TUT4: variants seen among roughly 807,000 people sequenced by gnomAD.
TUT4 encodes the protein terminal uridylyltransferase 4.
Under a neutral mutation model 192.2 loss-of-function variants are expected in TUT4, and 36 were observed. The ratio of observed to expected loss-of-function variants is 0.19; its 90% CI spans 0.14 to 0.25. TUT4 has a LOEUF of 0.25. Ranked by LOEUF, TUT4 falls within the 10% of genes least tolerant of loss-of-function variation. The probability of loss-of-function intolerance (pLI) is 1.00; values close to 1 mark genes in which losing one functional copy is unlikely to be tolerated. For synonymous variants in TUT4, 618 were observed against 666.0 expected, an observed-to-expected ratio of 0.93 and a Z score of 1.11; for missense variants, 1,493 against 1,957.2, an observed-to-expected ratio of 0.76 and a Z score of 4.47.
intron 11 of TUT4, 27 bp downstream of exon 11, chr1:52,481,396 C>A (rs773388743): frequency 1.9e-6 from 3 of 1,607,348 alleles, no homozygotes; most frequent in Non-Finnish European, 2.6e-6. Flanking sequence ...GATAGAAAAG[C>A]CAAAAAACAA....
At chr1:52,424,024 G>A in intron 29 of TUT4, 22 bp from the exon 30 acceptor site, 1 of 1,599,316 alleles carries the variant, frequency 6.3e-7, no homozygotes, top group Non-Finnish European at 8.5e-7. Flanking sequence ...AACACAGACA[G>A]GAAACTGAAA....
At chr1:52,513,915 T>G (rs2149348083) in intron 3 of TUT4, among the ~76,000 whole-genome samples, 1 of 152,308 alleles carries the variant, frequency 6.6e-6, no homozygotes, top group African/African-American at 2.4e-5. Context: ...AGGGCTGTTA[T>G]GAGGATTAAA....
At chr1:52,478,955 T>C (rs896018829) in intron 11 of TUT4, among the ~76,000 whole-genome samples, 1 of 152,020 alleles carries the variant, frequency 6.6e-6, no homozygotes, top group African/African-American at 2.4e-5. Flanking sequence ...ACATCTTTAG[T>C]AAGTAAATTA....
chr1:52,468,455 C>T (rs1664826264), intron 14 of TUT4, 188 bp from the exon 15 acceptor site: 2 of 493,188 alleles, frequency 4.1e-6, no homozygotes, highest in Non-Finnish European at 7.0e-6. Context: ...AACTGTTTTT[C>T]TGTTTTAGCA....
Position 52,527,278 on chromosome 1 carries a change from T to C in TUT4, c.-93-905A>G, listed in dbSNP as rs1682050205. Reference sequence around the variant, plus strand: ...AAAAACCAACAGGGGCCGGGTGCAATGGCTCATGCCTGTAATCCCAACACT... The same window carrying C: ...AAAAACCAACAGGGGCCGGGTGCAACGGCTCATGCCTGTAATCCCAACACT... On this transcript the variant is annotated intron_variant, in intron 1 of 29. Transcript: ENST00000257177. 2.0e-5 allele frequency among the ~76,000 whole-genome samples: 3 copies of C among 152,290 alleles called. No individual in the cohort carries two copies. In the East Asian group the frequency reaches 5.8e-4, roughly 29 times the overall value.
chr1:52,551,940 G>A lies in TUT4; in HGVS notation c.-94+991C>T, dbSNP rs1021775678. ...AAATAAAAGGCCATCTGATCCACTC[G>A]GGCTAATTACTAAATGCATGCCAAC... On this transcript the variant is annotated intron_variant, in intron 1 of 29. Transcript: ENST00000257177. Among the ~76,000 whole-genome samples, 3 of 152,098 alleles carry A rather than the reference G, an allele frequency of 2.0e-5. No homozygotes were observed. In the South Asian group the frequency reaches 6.2e-4, roughly 32 times the overall value.
intron 28 of TUT4, among the ~76,000 whole-genome samples, chr1:52,427,385 G>C (rs1650335224): frequency 6.6e-6 from 1 of 152,150 alleles, no homozygotes; most frequent in South Asian, 2.1e-4. Flanking sequence ...AGGGGTAAGA[G>C]ATAGTACAGT....
chr1:52,508,052 A>C lies in TUT4; in HGVS notation c.999+1544T>G, dbSNP rs530469289. Reference sequence around the variant, plus strand: ...GGTCTCAAACTCCTGGGCTCAAGCAACTCACCTGCCTCAGCCTCCCAAAGT... The same window carrying C: ...GGTCTCAAACTCCTGGGCTCAAGCACCTCACCTGCCTCAGCCTCCCAAAGT... On this transcript the variant is annotated intron_variant, in intron 4 of 29. Transcript: ENST00000257177. Among the ~76,000 whole-genome samples, 24 of 151,978 alleles carry C rather than the reference A, an allele frequency of 1.6e-4. No homozygotes were observed. The East Asian group carries it at 4.6e-3, about 29-fold the overall frequency.
At chr1:52,435,507 GT>G (rs1200542256) in intron 26 of TUT4, 42 bp from the exon 27 acceptor site, 2 of 1,461,132 alleles carry the variant, frequency 1.4e-6, no homozygotes, top group South Asian at 2.3e-5. Context: ...GATAAGGAAA[GT>G]AGCAGAGAAA....
chr1:52,446,482 A>G (rs372296908), intron 21 of TUT4, 40 bp from the exon 22 acceptor site: 63 of 1,564,380 alleles, frequency 4.0e-5, no homozygotes, highest in Non-Finnish European at 5.2e-5. Flanking sequence ...ATGTCTATAC[A>G]GTACTATCCA....
At chr1:52,546,516 C>A (rs1688132104) in intron 1 of TUT4, among the ~76,000 whole-genome samples, 1 of 151,912 alleles carries the variant, frequency 6.6e-6, no homozygotes, top group Admixed American at 6.6e-5. Context: ...TAGTGGTTGT[C>A]AGGGGTGAGG....
intron 12 of TUT4, among the ~76,000 whole-genome samples, chr1:52,475,857 T>TC (rs1354132701): frequency 6.6e-6 from 1 of 152,078 alleles, no homozygotes; most frequent in African/African-American, 2.4e-5. Flanking sequence ...TTTTTTTTTT[T>TC]CTTTTGAGAT....
At chr1:52,449,500 A>G (rs532041274) in intron 20 of TUT4, among the ~76,000 whole-genome samples, 247 of 152,230 alleles carry the variant, frequency 1.6e-3, no homozygotes, top group Non-Finnish European at 2.8e-3. Flanking sequence ...AGGTTTTGCC[A>G]TATTGGCCAG....
intron 9 of TUT4, among the ~76,000 whole-genome samples, chr1:52,482,173 T>C (rs1374531352): frequency 6.6e-6 from 1 of 152,210 alleles, no homozygotes; most frequent in East Asian, 1.9e-4. Flanking sequence ...TGTAGTTATT[T>C]TACTGTGGAC....
chr1:52,494,046 T>TCCTA (rs1252116057), intron 6 of TUT4, among the ~76,000 whole-genome samples: 1 of 151,394 alleles, frequency 6.6e-6, no homozygotes, highest in Non-Finnish European at 1.5e-5. Context: ...GAAGGATTCC[T>TCCTA]CCTACTTTTG....
At chr1:52,485,833 T>C (rs1321102305) in intron 9 of TUT4, among the ~76,000 whole-genome samples, 2 of 152,106 alleles carry the variant, frequency 1.3e-5, no homozygotes, top group Non-Finnish European at 2.9e-5. Context: ...TCATTTAGAT[T>C]GTAGCATCTA....
intron 3 of TUT4, among the ~76,000 whole-genome samples, chr1:52,513,472 C>T (rs1355387633): frequency 8.7e-6 from 1 of 115,428 alleles, no homozygotes; most frequent in Non-Finnish European, 1.8e-5. Flanking sequence ...AAAAAGAGTA[C>T]AATGAATTGA....
At chr1:52,470,834 C>G (rs1325691631) in intron 14 of TUT4, among the ~76,000 whole-genome samples, 3 of 151,954 alleles carry the variant, frequency 2.0e-5, no homozygotes, top group Non-Finnish European at 4.4e-5. Flanking sequence ...GGAAGTAATT[C>G]ATAAATGTTT....
At chr1:52,471,620 T>A (rs1030940610) in intron 14 of TUT4, among the ~76,000 whole-genome samples, 2 of 152,168 alleles carry the variant, frequency 1.3e-5, no homozygotes, top group Non-Finnish European at 2.9e-5. Flanking sequence ...GTACTTGAGA[T>A]ATGTCTAGTA....
Sources: allele counts gnomAD v4.1 joint callset (sites outside exome capture counted in the v4.1 genomes callset), GRCh38; gene constraint gnomAD v4.1.1; transcripts MANE v1.5; gene names NCBI Gene and HGNC (gene_info 2026-07-23, HGNC 2026-07-21).